The following CREB5 variants were observed in gnomAD, a reference collection of about 807,000 sequenced individuals.
CREB5 encodes the protein cAMP responsive element binding protein 5.
A neutral mutation model predicts 57.1 loss-of-function variants in CREB5; 19 were observed. The observed-to-expected ratio is 0.33, with a 90% CI of 0.23 to 0.49. The LOEUF is 0.49. Among genes scored for constraint, CREB5 ranks in the 20% least tolerant of loss-of-function variants. The pLI, the probability that CREB5 is intolerant of heterozygous loss-of-function variation, is 0.99. For missense variants in CREB5, 579 were observed against 671.6 expected (o/e 0.86, Z 1.52); for synonymous variants, 238 against 238.3 (o/e 1.00, Z 0.01).
In CREB5 at chr7:28,732,872, T is replaced by C. The variant is rs1803742310; in HGVS notation, c.702+8540T>C. On this transcript the variant is annotated intron_variant, in intron 7 of 10. Transcript: ENST00000357727. ...TTTTTTTTTTCTTAAAACCCAAGAA[T>C]CCAATCTTGAAATTTAAACTACGAA... is the stretch of plus-strand genomic sequence containing the variant. Among the ~76,000 whole-genome samples, 3 of 145,056 alleles carry C rather than the reference T, an allele frequency of 2.1e-5. 1 individual carries two copies. The highest frequency in any genetic ancestry group is 5.0e-5 in the African/African-American group (2 of 40,180).
chr7:28,732,559 A>G (rs1057282443), intron 7 of CREB5, among the ~76,000 whole-genome samples: 1 of 152,214 alleles, frequency 6.6e-6, no homozygotes, highest in African/African-American at 2.4e-5. Flanking sequence ...GCCAGGAAAA[A>G]AAAAGGAAAT....
chr7:28,536,055 A>G (rs1357376762), intron 4 of CREB5, among the ~76,000 whole-genome samples: 1 of 152,148 alleles, frequency 6.6e-6, no homozygotes, highest in Non-Finnish European at 1.5e-5. Context: ...TGAAGTATTT[A>G]TTGTCACAAG....
chr7:28,410,773 A>C, upstream of CREB5: 1 of 354,420 alleles, frequency 2.8e-6, no homozygotes, highest in Non-Finnish European at 5.6e-6. Flanking sequence ...GCAGGCCAGT[A>C]AGTGTTTGAT....
chr7:28,437,935 G>A lies in CREB5; in HGVS notation c.3+25018G>A, dbSNP rs138736462. Among the ~76,000 whole-genome samples the A allele has an allele frequency of 3.7e-3, 558 of 152,156 alleles. 4 individuals carry two copies. Among genetic ancestry groups the A allele is most frequent in the Middle Eastern group, 6.8e-3 (2 of 294 alleles). On this transcript the variant is annotated intron_variant, in intron 1 of 10. Transcript: ENST00000357727. Reference sequence around the variant, plus strand: ...GCGAGATGAAAATCTGATGACTTTCGGGCTCAGGGTGAATTTACAAACACC... The same window carrying A: ...GCGAGATGAAAATCTGATGACTTTCAGGCTCAGGGTGAATTTACAAACACC...
intron 5 of CREB5, among the ~76,000 whole-genome samples, chr7:28,629,705 T>C (rs1230272379): frequency 6.6e-6 from 1 of 152,238 alleles, no homozygotes; most frequent in African/African-American, 2.4e-5. Context: ...CCATGATTCA[T>C]ATGTTCCCAA....
At chr7:28,662,497 G>T (rs954069065) in intron 5 of CREB5, among the ~76,000 whole-genome samples, 4 of 152,192 alleles carry the variant, frequency 2.6e-5, no homozygotes. Flanking sequence ...CCCGTGCAGT[G>T]CAGGGTTGTT....
intron 1 of CREB5, among the ~76,000 whole-genome samples, chr7:28,447,779 C>T (rs1031472406): frequency 1.3e-5 from 2 of 152,276 alleles, no homozygotes; most frequent in South Asian, 2.1e-4. Flanking sequence ...CCCCACATTC[C>T]CAGCCCGTCT....
intron 4 of CREB5, among the ~76,000 whole-genome samples, chr7:28,567,637 T>G (rs550156555): frequency 5.6e-4 from 85 of 152,244 alleles, no homozygotes; most frequent in African/African-American, 2.0e-3. Context: ...ATCACTTCGG[T>G]GAGTGTGGGC....
rs971324901 is a variant in CREB5 at position 28,741,939 on chromosome 7, G to A, written c.702+17607G>A. Among the ~76,000 whole-genome samples, 9 of 151,914 alleles carry A rather than the reference G, an allele frequency of 5.9e-5. No individual in the cohort carries two copies. The South Asian group carries it at 1.0e-3, about 18-fold the overall frequency. Reference sequence around the variant, plus strand: ...AAATTAGCCAGGCGTGGTGGTGTGCGCCTGTAGTCCCAGCTACTTGGGAGG... The same window carrying A: ...AAATTAGCCAGGCGTGGTGGTGTGCACCTGTAGTCCCAGCTACTTGGGAGG... On this transcript the variant is annotated intron_variant, in intron 7 of 10. Coordinates refer to ENST00000357727, the MANE Select transcript of CREB5 (RefSeq NM_182898.4).
chr7:28,601,103 T>C (rs1487193894), intron 5 of CREB5, among the ~76,000 whole-genome samples: 5 of 152,086 alleles, frequency 3.3e-5, no homozygotes, highest in Non-Finnish European at 7.4e-5. Context: ...TCTCTCCAAA[T>C]CATCACCATG....
chr7:28,342,722 A>T (rs987771714), intron 1 of CREB5, among the ~76,000 whole-genome samples: 1 of 152,186 alleles, frequency 6.6e-6, no homozygotes. Context: ...AAAGGAACAG[A>T]TTACAGGAGG....
At chr7:28,390,761 G>A (rs752028849) in intron 1 of CREB5, among the ~76,000 whole-genome samples, 2 of 152,066 alleles carry the variant, frequency 1.3e-5, no homozygotes, top group African/African-American at 2.4e-5. Context: ...CATGCCAGGA[G>A]CCCTGTAAGC....
rs920730543 is a variant in CREB5, at chr7:28,585,816, C to T, written c.464+15279C>T. Among the ~76,000 whole-genome samples the T allele has an allele frequency of 2.6e-5, 4 of 152,102 alleles. No individual in the cohort carries two copies. The South Asian group carries it at 8.3e-4, about 32-fold the overall frequency. On this transcript the variant is annotated intron_variant, in intron 5 of 10. Transcript: ENST00000357727. ...CTAGACATATTCATTGTCTGAGGCT[C>T]TCATTGAGTCAGGATGGGTGCAGGC... is the stretch of plus-strand genomic sequence containing the variant.
At chr7:28,444,947 C>T (rs1379358303) in intron 1 of CREB5, among the ~76,000 whole-genome samples, 1 of 152,098 alleles carries the variant, frequency 6.6e-6, no homozygotes, top group Non-Finnish European at 1.5e-5. Context: ...TGGCTGTGTC[C>T]CCACCCAAAT....
intron 5 of CREB5, among the ~76,000 whole-genome samples, chr7:28,625,118 G>A (rs766490881): frequency 1.5e-4 from 23 of 151,278 alleles, no homozygotes; most frequent in African/African-American, 4.1e-4. Flanking sequence ...TATTAACCCC[G>A]TTCTACAGAT....
intron 1 of CREB5, among the ~76,000 whole-genome samples, chr7:28,300,438 T>G (rs1362963138): frequency 6.6e-6 from 1 of 152,236 alleles, no homozygotes; most frequent in Admixed American, 6.5e-5. Flanking sequence ...TGGCTGGTGT[T>G]GGGTGGACAA....
chr7:28,593,271 C>T (rs1330341562), intron 5 of CREB5, among the ~76,000 whole-genome samples: 1 of 152,090 alleles, frequency 6.6e-6, no homozygotes, highest in Non-Finnish European at 1.5e-5. Context: ...ATTTTTGAGA[C>T]ACAGTCTTGC....
intron 5 of CREB5, among the ~76,000 whole-genome samples, chr7:28,654,846 C>A (rs138613718): frequency 6.6e-6 from 1 of 152,120 alleles, no homozygotes; most frequent in African/African-American, 2.4e-5. Context: ...AAATTCAAGA[C>A]CCCCGTGACC....
intron 5 of CREB5, among the ~76,000 whole-genome samples, chr7:28,679,052 C>CTTTTTTTTTTTTTTTTTTTTTTTTTT (rs56266854): frequency 3.2e-5 from 4 of 123,862 alleles, no homozygotes; most frequent in Non-Finnish European, 4.9e-5. Context: ...TTTTGTAGTT[C>CTTTTTTTTTTTTTTTTTTTTTTTTTT]TTTTTTTTTT....
Sources: allele counts gnomAD v4.1 joint callset (sites outside exome capture counted in the v4.1 genomes callset), GRCh38; gene constraint gnomAD v4.1.1; transcripts MANE v1.5; gene names NCBI Gene and HGNC (gene_info 2026-07-23, HGNC 2026-07-21).